Variants in IL1RAPL1 observed in about 807,000 individuals in gnomAD.
IL1RAPL1 encodes interleukin 1 receptor accessory protein like 1.
A neutral mutation model predicts 48.4 loss-of-function variants in IL1RAPL1; 3 were observed. The observed-to-expected ratio is 0.06, with a 90% confidence interval of 0.03 to 0.16. The LOEUF is 0.16. IL1RAPL1 is among the 10% of genes least tolerant of loss of function. The pLI is 1.00. For synonymous variants in IL1RAPL1, 185 were observed against 187.7 expected, an observed-to-expected ratio of 0.99 and a Z score of 0.12; for missense variants, 349 against 530.6, an observed-to-expected ratio of 0.66 and a Z score of 3.36.
intron 3 of IL1RAPL1, among the ~76,000 whole-genome samples, chrX:29,322,943 C>T (rs1331291670): frequency 5.4e-5 from 6 of 112,048 alleles, no homozygotes; most frequent in African/African-American, 1.9e-4. Flanking sequence ...CTCTCCTTAG[C>T]CAATATCCTA....
chrX:29,099,936 G>A (rs750229874), intron 2 of IL1RAPL1, among the ~76,000 whole-genome samples: 41 of 110,899 alleles, frequency 3.7e-4, no homozygotes, highest in Non-Finnish European at 6.8e-4. Flanking sequence ...GTATTAGGCC[G>A]GGCGTGGTGG....
chrX:29,012,220 G>A (rs897644630), intron 2 of IL1RAPL1, among the ~76,000 whole-genome samples: 1 of 112,483 alleles, frequency 8.9e-6, no homozygotes, highest in African/African-American at 3.2e-5. Flanking sequence ...TCTAGTTTGA[G>A]GTACTAAGAT....
intron 6 of IL1RAPL1, among the ~76,000 whole-genome samples, chrX:29,699,710 G>A (rs953879524): frequency 2.7e-5 from 3 of 111,800 alleles, no homozygotes; most frequent in African/African-American, 6.5e-5. Flanking sequence ...TTGTTCTGAC[G>A]TTTTGATTGG....
chrX:29,626,792 G>T (rs888259804), intron 5 of IL1RAPL1, among the ~76,000 whole-genome samples: 5 of 111,699 alleles, frequency 4.5e-5, no homozygotes, highest in African/African-American at 1.6e-4. Context: ...GTGTGAGATA[G>T]CTGTGTATAT....
chrX:29,365,040 T>G (rs1347939009), intron 3 of IL1RAPL1, among the ~76,000 whole-genome samples: 1 of 112,537 alleles, frequency 8.9e-6, no homozygotes, highest in South Asian at 3.6e-4. Flanking sequence ...ATATTTATAT[T>G]AATACATATT....
intron 2 of IL1RAPL1, among the ~76,000 whole-genome samples, chrX:29,224,590 T>A (rs1931044428): frequency 8.9e-6 from 1 of 111,733 alleles, no homozygotes; most frequent in Non-Finnish European, 1.9e-5. Context: ...GGCAACAGCA[T>A]CCTCAATGCG....
chrX:29,564,731 A>G (rs367724074), intron 5 of IL1RAPL1, among the ~76,000 whole-genome samples: 1 of 113,036 alleles, frequency 8.8e-6, no homozygotes, highest in East Asian at 2.8e-4. Flanking sequence ...GTCAGACTGT[A>G]ACTTTAAGGA....
At chrX:28,800,573 A>C (rs1042252716) in intron 2 of IL1RAPL1, among the ~76,000 whole-genome samples, 2 of 111,495 alleles carry the variant, frequency 1.8e-5, no homozygotes, top group Non-Finnish European at 3.8e-5. Flanking sequence ...CAGTCAGGGA[A>C]AGAGACTAAG....
chrX:28,789,876 A>G (rs1249473795), intron 2 of IL1RAPL1, among the ~76,000 whole-genome samples: 1 of 112,073 alleles, frequency 8.9e-6, no homozygotes, highest in African/African-American at 3.2e-5. Flanking sequence ...TAAAGAAAAT[A>G]CTAGTGTTAT....
chrX:29,186,281 A>G (rs747975210), intron 2 of IL1RAPL1, among the ~76,000 whole-genome samples: 1 of 112,158 alleles, frequency 8.9e-6, no homozygotes, highest in African/African-American at 3.2e-5. Flanking sequence ...AATTGGCCTC[A>G]TAAGTCTTCT....
chrX:28,684,467 C>T (rs1056366416), intron 1 of IL1RAPL1, among the ~76,000 whole-genome samples: 3 of 111,994 alleles, frequency 2.7e-5, no homozygotes, highest in South Asian at 3.7e-4. Context: ...TTAACATCCT[C>T]GAAGCCTCTC....
In IL1RAPL1 at chrX:29,473,323, C is replaced by A. The variant is rs1280154045; in HGVS notation, c.703+74015C>A. Among the ~76,000 whole-genome samples, 3 of 111,493 alleles carry A rather than the reference C, an allele frequency of 2.7e-5. No individual in the cohort carries two copies. The Admixed American group carries it at 2.9e-4, about 11-fold the overall frequency. ...AATTACATCTGTAATGACGTTATTTCCAAATAAGATCACATTCTGAGGTAC... is the reference window on the plus strand; with the variant it reads ...AATTACATCTGTAATGACGTTATTTACAAATAAGATCACATTCTGAGGTAC... On this transcript the variant is annotated intron_variant, in intron 5 of 10. Transcript: ENST00000378993.
At chrX:29,202,851 C>A (rs1044275497) in intron 2 of IL1RAPL1, among the ~76,000 whole-genome samples, 1 of 110,868 alleles carries the variant, frequency 9.0e-6, no homozygotes, top group African/African-American at 3.3e-5. Context: ...GATGCCAAGG[C>A]CTACTTGAAG....
intron 5 of IL1RAPL1, among the ~76,000 whole-genome samples, chrX:29,483,851 G>A (rs909352494): frequency 3.6e-5 from 4 of 109,729 alleles, no homozygotes; most frequent in African/African-American, 1.0e-4. Context: ...GCCACCATAC[G>A]TGGCTGATTT....
At chrX:29,331,008 A>G (rs1932880747) in intron 3 of IL1RAPL1, among the ~76,000 whole-genome samples, 1 of 110,013 alleles carries the variant, frequency 9.1e-6, no homozygotes, top group Non-Finnish European at 1.9e-5. Context: ...CTCTACTAAA[A>G]ATGCAAAAAT....
chrX:29,750,274 C>A (rs1250764588), intron 6 of IL1RAPL1, among the ~76,000 whole-genome samples: 1 of 112,046 alleles, frequency 8.9e-6, no homozygotes, highest in Non-Finnish European at 1.9e-5. Context: ...ATCCTCTGTC[C>A]TGTTTTCCAC....
At chrX:29,261,193 T>C (rs1475664992) in intron 2 of IL1RAPL1, among the ~76,000 whole-genome samples, 1 of 110,553 alleles carries the variant, frequency 9.0e-6, no homozygotes, top group Admixed American at 9.8e-5. Flanking sequence ...ATGATTTTAA[T>C]GGCTGCAACA....
chrX:28,628,519 C>T (rs1934366141), intron 1 of IL1RAPL1, among the ~76,000 whole-genome samples: 1 of 112,130 alleles, frequency 8.9e-6, no homozygotes, highest in South Asian at 3.7e-4. Context: ...AAGAAAATTG[C>T]AGCACAGAAA....
chrX:29,186,327 A>C (rs1930251446), intron 2 of IL1RAPL1, among the ~76,000 whole-genome samples: 1 of 112,003 alleles, frequency 8.9e-6, no homozygotes, highest in African/African-American at 3.2e-5. Flanking sequence ...TGGCTGATAC[A>C]ATTCGTTTTG....
Sources: allele counts gnomAD v4.1 joint callset (sites outside exome capture counted in the v4.1 genomes callset), GRCh38; gene constraint gnomAD v4.1.1; transcripts MANE v1.5; gene names NCBI Gene and HGNC (gene_info 2026-07-23, HGNC 2026-07-21).